The following ABCA13 variants were observed in gnomAD, a reference collection of about 807,000 sequenced individuals.
ABCA13 encodes the protein ATP-binding cassette sub-family A member 13.
Under a neutral mutation model 478.7 loss-of-function variants are expected in ABCA13, and 476 were observed. The ratio of observed to expected loss-of-function variants is 0.99; its 90% CI spans 0.92 to 1.07. The LOEUF is 1.07. Ranked by LOEUF, ABCA13 falls within the 50% of genes least tolerant of loss-of-function variation. The pLI is 0.00. For missense variants in ABCA13, 6,060 were observed against 5,910.6 expected, an observed-to-expected ratio of 1.03 and a Z score of -0.83; for synonymous variants, 2,252 against 2,158.9, an observed-to-expected ratio of 1.04 and a Z score of -1.20.
chr7:48,325,534 T>A (rs1164282780), intron 27 of ABCA13, among the ~76,000 whole-genome samples: 1 of 152,126 alleles, frequency 6.6e-6, no homozygotes, highest in African/African-American at 2.4e-5. Flanking sequence ...ATTGAAGAAA[T>A]CTGATTACTT....
intron 47 of ABCA13, among the ~76,000 whole-genome samples, chr7:48,486,463 AG>A (rs1246221658): frequency 6.6e-6 from 1 of 152,038 alleles, no homozygotes; most frequent in Non-Finnish European, 1.5e-5. Flanking sequence ...TATTTATAGC[AG>A]TTTGTTTTTT....
At chr7:48,572,624 T>G (rs1316056025) in intron 55 of ABCA13, among the ~76,000 whole-genome samples, 1 of 152,206 alleles carries the variant, frequency 6.6e-6, no homozygotes, top group Non-Finnish European at 1.5e-5. Context: ...AATACCCCTT[T>G]TATATATCAC....
intron 29 of ABCA13, among the ~76,000 whole-genome samples, chr7:48,350,360 A>G (rs1280792245): frequency 6.6e-6 from 1 of 151,852 alleles, no homozygotes; most frequent in Non-Finnish European, 1.5e-5. Context: ...GTTGTCTCCA[A>G]CTGTGTTTCC....
At chr7:48,516,015 T>C (rs1832080760) in intron 51 of ABCA13, among the ~76,000 whole-genome samples, 1 of 152,112 alleles carries the variant, frequency 6.6e-6, no homozygotes, top group Non-Finnish European at 1.5e-5. Context: ...GTGTTCTTTA[T>C]TGCATTGCAG....
intron 31 of ABCA13, among the ~76,000 whole-genome samples, chr7:48,365,875 A>G (rs769634752): frequency 6.6e-6 from 1 of 152,206 alleles, no homozygotes; most frequent in South Asian, 2.1e-4. Context: ...AAATGAAAAG[A>G]TATCCTATGC....
In ABCA13 at chr7:48,274,040, T is replaced by C; in HGVS notation, c.4374T>C (p.Cys1458=). The C allele has an allele frequency of 6.2e-7, 1 of 1,605,986 alleles. No homozygotes were observed. Among genetic ancestry groups the C allele is most frequent in the South Asian group, 1.1e-5 (1 of 90,178 alleles). The change falls in exon 17 of 62, where the codon TGT becomes TGC. Residue 1458 remains cysteine, a synonymous_variant. Transcript: ENST00000435803. The part of the protein sequence containing the change: ...LCSSNGSHIN[C]VNIYLKDVTD... ...CATCAAATGGCTCACATATAAATTG[T>C]GTCAATATTTACTTGAAAGATGTAA...
chr7:48,390,556 A>C (rs778867893), intron 37 of ABCA13, among the ~76,000 whole-genome samples: 14 of 152,206 alleles, frequency 9.2e-5, no homozygotes, highest in Non-Finnish European at 1.9e-4. Flanking sequence ...TTAGTGCCGG[A>C]ACAAGCACCA....
At chr7:48,179,849 CTT>C (rs1381357558) in intron 1 of ABCA13, among the ~76,000 whole-genome samples, 1 of 152,184 alleles carries the variant, frequency 6.6e-6, no homozygotes, top group African/African-American at 2.4e-5. Context: ...AGAGTATGCT[CTT>C]TCTCTCTGCC....
At chr7:48,419,995 A>ACC (rs1820533861) in intron 41 of ABCA13, among the ~76,000 whole-genome samples, 1 of 152,170 alleles carries the variant, frequency 6.6e-6, no homozygotes, top group Non-Finnish European at 1.5e-5. Flanking sequence ...AGAGGCTATA[A>ACC]AATGTCTGTC....
chr7:48,301,435 C>A (rs1192805623), intron 23 of ABCA13, among the ~76,000 whole-genome samples: 1 of 151,858 alleles, frequency 6.6e-6, no homozygotes, highest in African/African-American at 2.4e-5. Context: ...TGTTTTAATA[C>A]ATGAAGTTTG....
intron 27 of ABCA13, among the ~76,000 whole-genome samples, chr7:48,319,352 C>T (rs772982115): frequency 1.3e-5 from 2 of 152,150 alleles, no homozygotes; most frequent in Non-Finnish European, 2.9e-5. Context: ...TGGTTTTGCA[C>T]TTGTAAAGCT....
intron 15 of ABCA13, among the ~76,000 whole-genome samples, chr7:48,255,280 T>G (rs1236113893): frequency 6.6e-6 from 1 of 152,198 alleles, no homozygotes; most frequent in Non-Finnish European, 1.5e-5. Flanking sequence ...AATTAGTTTC[T>G]AATCTTGGCT....
At chr7:48,305,686 C>T (rs1319819177) in intron 23 of ABCA13, among the ~76,000 whole-genome samples, 2 of 152,188 alleles carry the variant, frequency 1.3e-5, no homozygotes, top group Admixed American at 1.3e-4. Context: ...ATTCGGGTTT[C>T]AGCAGATGTC....
intron 16 of ABCA13, among the ~76,000 whole-genome samples, chr7:48,269,953 T>C (rs1318741837): frequency 1.3e-5 from 2 of 152,190 alleles, no homozygotes; most frequent in Non-Finnish European, 2.9e-5. Context: ...CTTGCTTAGG[T>C]CAGATTTTTA....
intron 27 of ABCA13, among the ~76,000 whole-genome samples, chr7:48,327,041 T>C (rs1270636065): frequency 6.6e-6 from 1 of 152,218 alleles, no homozygotes; most frequent in Non-Finnish European, 1.5e-5. Context: ...TAAATGCAGA[T>C]TGAATCACTC....
intron 8 of ABCA13, among the ~76,000 whole-genome samples, chr7:48,238,467 CTT>C (rs34705800): frequency 3.2e-4 from 46 of 144,944 alleles, no homozygotes; most frequent in Middle Eastern, 3.5e-3. Flanking sequence ...TGTTGAAGTT[CTT>C]TTTTTTTTTT....
At chr7:48,405,685 G>T (rs185904159) in intron 39 of ABCA13, among the ~76,000 whole-genome samples, 43 of 152,322 alleles carry the variant, frequency 2.8e-4, no homozygotes, top group Admixed American at 1.2e-3. Context: ...TTAAAAATTA[G>T]AGCTGGAGTC....
intron 51 of ABCA13, 90 bp from the exon 52 acceptor site, chr7:48,516,631 GATTC>G (rs1223469355): frequency 7.2e-6 from 9 of 1,258,674 alleles, no homozygotes; most frequent in Admixed American, 2.0e-5. Context: ...CATTTTCAGG[GATTC>G]ACCCCAAGGT....
At chr7:48,536,853 A>G (rs1332862198) in intron 55 of ABCA13, among the ~76,000 whole-genome samples, 1 of 151,876 alleles carries the variant, frequency 6.6e-6, no homozygotes, top group Non-Finnish European at 1.5e-5. Context: ...TATATTTATT[A>G]TTCATAAGAA....
Sources: gnomAD v4.1 joint callset for allele counts (sites outside exome capture counted in the v4.1 genomes callset) on GRCh38, gnomAD v4.1.1 for gene constraint, MANE v1.5 for transcripts, NCBI Gene and HGNC (gene_info 2026-07-23, HGNC 2026-07-21) for gene names.